Variants in PIBF1 observed in about 807,000 individuals in gnomAD.
The protein encoded by PIBF1 is progesterone immunomodulatory binding factor 1, also known as progesterone-induced-blocking factor 1.
A neutral mutation model predicts 112.5 loss-of-function variants in PIBF1; 90 were observed. The observed-to-expected ratio is 0.80, with a 90% confidence interval of 0.67 to 0.95. PIBF1 has a LOEUF of 0.95. Ranked by LOEUF, PIBF1 falls within the 40% of genes least tolerant of loss-of-function variation. The pLI is 0.00. For missense variants in PIBF1, 915 were observed against 852.3 expected (o/e 1.07, Z -0.92); for synonymous variants, 301 against 288.6 (o/e 1.04, Z -0.44).
chr13:72,875,044 A>G (rs2138453468), intron 10 of PIBF1, among the ~76,000 whole-genome samples: 1 of 152,328 alleles, frequency 6.6e-6, no homozygotes, highest in South Asian at 2.1e-4. Context: ...GTATGTTTGG[A>G]CAAATCTGTA....
At chr13:72,980,788 G>A (rs1392800551) in intron 16 of PIBF1, among the ~76,000 whole-genome samples, 1 of 150,954 alleles carries the variant, frequency 6.6e-6, no homozygotes, top group African/African-American at 2.4e-5. Context: ...CTGGGTGACA[G>A]AGTCAGAGCC....
At chr13:72,951,607 C>T (rs2042298072) in intron 14 of PIBF1, among the ~76,000 whole-genome samples, 1 of 152,132 alleles carries the variant, frequency 6.6e-6, no homozygotes, top group Non-Finnish European at 1.5e-5. Flanking sequence ...AACTATGTAA[C>T]ATGCTGGAAA....
intron 16 of PIBF1, among the ~76,000 whole-genome samples, chr13:72,988,922 C>G (rs762751355): frequency 6.6e-6 from 1 of 152,082 alleles, no homozygotes; most frequent in Non-Finnish European, 1.5e-5. Context: ...CTTGTAATCC[C>G]AGGTACTCAG....
chr13:73,007,092 AG>A (rs1488506155), intron 17 of PIBF1, among the ~76,000 whole-genome samples: 1 of 151,656 alleles, frequency 6.6e-6, no homozygotes, highest in Non-Finnish European at 1.5e-5. Context: ...GAAGCCTATA[AG>A]CCTTATATTT....
At chr13:72,907,120 T>TA (rs923262493) in intron 11 of PIBF1, among the ~76,000 whole-genome samples, 27 of 152,218 alleles carry the variant, frequency 1.8e-4, no homozygotes, top group African/African-American at 6.0e-4. Flanking sequence ...GAAATCACCA[T>TA]AAAAATGCTG....
rs951002458 is a variant in PIBF1, at chr13:72,798,011, G to C, written c.657G>C (p.Leu219=). ...AEELSTNKNQ[L]KQLTETYEED... ...AATTAAGTACAAACAAAAACCAACT[G>C]AAGCAGCTGACAGAGGTTTGTATGG... is the stretch of plus-strand genomic sequence containing the variant. The change falls in exon 5 of 18, where the codon CTG becomes CTC. Residue 219 remains leucine, a synonymous_variant. Coordinates refer to ENST00000326291, the MANE Select transcript of PIBF1 (RefSeq NM_006346.4). 1.2e-6 allele frequency: 2 copies of C among 1,603,544 alleles called. No homozygotes were observed. Among genetic ancestry groups the C allele is most frequent in the Admixed American group, 3.5e-5 (2 of 57,706 alleles).
intron 11 of PIBF1, among the ~76,000 whole-genome samples, chr13:72,896,108 A>G (rs1566418464): frequency 6.6e-6 from 1 of 152,238 alleles, no homozygotes; most frequent in African/African-American, 2.4e-5. Context: ...GGAGAGACCC[A>G]TAGACAGTTC....
At chr13:72,815,126 A>G (rs1313939649) in intron 5 of PIBF1, among the ~76,000 whole-genome samples, 1 of 152,240 alleles carries the variant, frequency 6.6e-6, no homozygotes, top group Non-Finnish European at 1.5e-5. Context: ...GAAAGAGACT[A>G]CAAAAGCAAA....
Position 72,835,360 on chromosome 13 carries a change from A to G in PIBF1, c.1215A>G (p.Arg405=), listed in dbSNP as rs1420803090. The change falls in exon 9 of 18, where the codon CGA becomes CGG. Residue 405 remains arginine (R), a synonymous_variant. Coordinates refer to ENST00000326291, the MANE Select transcript of PIBF1 (RefSeq NM_006346.4). ...LRNASREMYE[R]ENRNLREARD... ...ATGCCTCTAGGGAAATGTATGAACG[A>G]GAAAACAGGTAAAAAAAAAAAAATG... 1.3e-6 allele frequency: 2 copies of G among 1,560,884 alleles called. No homozygotes were observed. Among genetic ancestry groups the G allele is most frequent in the East Asian group, 4.6e-5 (2 of 43,210 alleles).
intron 5 of PIBF1, among the ~76,000 whole-genome samples, chr13:72,803,102 A>G (rs2035560089): frequency 6.6e-6 from 1 of 152,170 alleles, no homozygotes; most frequent in Non-Finnish European, 1.5e-5. Context: ...GTTTGATTAC[A>G]GTGTTTGAGA....
At chr13:73,011,718 C>T (rs535678473) in intron 17 of PIBF1, among the ~76,000 whole-genome samples, 2 of 152,314 alleles carry the variant, frequency 1.3e-5, no homozygotes, top group South Asian at 2.1e-4. Context: ...TACCCCCACA[C>T]CTTACCACCA....
At chr13:72,995,262 C>T (rs1362349167) in intron 16 of PIBF1, among the ~76,000 whole-genome samples, 1 of 150,354 alleles carries the variant, frequency 6.7e-6, no homozygotes, top group Non-Finnish European at 1.5e-5. Flanking sequence ...GATCACACCA[C>T]TGCACTCCAA....
At chr13:72,979,502 G>A (rs756437299) in intron 16 of PIBF1, among the ~76,000 whole-genome samples, 3 of 152,186 alleles carry the variant, frequency 2.0e-5, no homozygotes, top group Non-Finnish European at 4.4e-5. Context: ...TCTTGGAGCT[G>A]TAGAAGGGCA....
intron 5 of PIBF1, among the ~76,000 whole-genome samples, chr13:72,812,849 G>A (rs951401427): frequency 1.3e-5 from 2 of 151,950 alleles, no homozygotes; most frequent in African/African-American, 4.8e-5. Flanking sequence ...GTCCCAGGTA[G>A]GAGGATTGCT....
intron 5 of PIBF1, among the ~76,000 whole-genome samples, chr13:72,803,775 T>C (rs1363949034): frequency 6.6e-6 from 1 of 152,144 alleles, no homozygotes; most frequent in African/African-American, 2.4e-5. Context: ...TACAAAAAGA[T>C]CTGGGTTATT....
At chr13:72,789,935 A>T (rs2034810749) in intron 2 of PIBF1, among the ~76,000 whole-genome samples, 1 of 152,214 alleles carries the variant, frequency 6.6e-6, no homozygotes, top group South Asian at 2.1e-4. Flanking sequence ...AACAGTAATT[A>T]TAAGGAATGT....
At chr13:72,858,444 T>C (rs868362027) in intron 10 of PIBF1, among the ~76,000 whole-genome samples, 32 of 152,206 alleles carry the variant, frequency 2.1e-4, no homozygotes, top group African/African-American at 7.5e-4. Context: ...CCACCTTATT[T>C]ACTGTAGCAT....
At chr13:72,988,453 G>A (rs1043641489) in intron 16 of PIBF1, among the ~76,000 whole-genome samples, 2 of 152,072 alleles carry the variant, frequency 1.3e-5, no homozygotes, top group Non-Finnish European at 2.9e-5. Flanking sequence ...GCAGTTTGCA[G>A]TTGCAGATAT....
intron 17 of PIBF1, among the ~76,000 whole-genome samples, chr13:73,005,523 A>G (rs1173774159): frequency 6.6e-6 from 1 of 151,736 alleles, no homozygotes; most frequent in Non-Finnish European, 1.5e-5. Context: ...ATAAATTTAA[A>G]TTTTTAATTT....
Sources: allele counts gnomAD v4.1 joint callset (sites outside exome capture counted in the v4.1 genomes callset), GRCh38; gene constraint gnomAD v4.1.1; transcripts MANE v1.5; gene names NCBI Gene and HGNC (gene_info 2026-07-23, HGNC 2026-07-21).